Variants in CDC42BPB observed in about 807,000 individuals in gnomAD.
The protein encoded by CDC42BPB is CDC42 binding protein kinase beta, also known as serine/threonine-protein kinase MRCK beta.
CDC42BPB carries 37 observed loss-of-function variants against 214.9 expected under a neutral mutation model. That is an observed-to-expected ratio of 0.17 (90% confidence interval 0.13 to 0.23). The LOEUF (loss-of-function observed/expected upper bound fraction) is 0.23, where lower values mean the gene tolerates loss of function less well. CDC42BPB is among the 10% of genes least tolerant of loss of function. CDC42BPB has a pLI of 1.00. For synonymous variants in CDC42BPB, 931 were observed against 884.0 expected, an observed-to-expected ratio of 1.05 and a Z score of -0.94; for missense variants, 1,694 against 2,227.0, an observed-to-expected ratio of 0.76 and a Z score of 4.82.
chr14:103,053,698 C>T (rs536074771), intron 1 of CDC42BPB, among the ~76,000 whole-genome samples: 25 of 147,226 alleles, frequency 1.7e-4, no homozygotes, highest in Non-Finnish European at 3.5e-4. Context: ...GGAGGCAGAG[C>T]TTGCAGTGAG....
intron 5 of CDC42BPB, among the ~76,000 whole-genome samples, chr14:102,995,313 T>C (rs1198629840): frequency 6.6e-6 from 1 of 152,006 alleles, no homozygotes; most frequent in Non-Finnish European, 1.5e-5. Flanking sequence ...CAGCTGGGAG[T>C]ACAGGTGCTC....
In CDC42BPB at chr14:102,968,377, AAC is replaced by A. The variant is rs1893317404; in HGVS notation, c.2241-21_2241-20del. ...GTTATGCCTGCCAAGGTGAGCGAGAAACAGTTTTAAAAGCTCGTAACTTCACT... is the reference window on the plus strand; with the variant it reads ...GTTATGCCTGCCAAGGTGAGCGAGAAAGTTTTAAAAGCTCGTAACTTCACT... On this transcript the variant is annotated intron_variant, in intron 15 of 36. Coordinates refer to ENST00000361246, the MANE Select transcript of CDC42BPB (RefSeq NM_006035.4). The A allele has an allele frequency of 1.2e-6, 2 of 1,613,570 alleles. No homozygotes were observed. The highest frequency in any genetic ancestry group is 1.7e-6 in the Non-Finnish European group (2 of 1,179,860).
chr14:102,964,475 C>T (rs2139443462), intron 19 of CDC42BPB, 27 bp downstream of exon 19: 1 of 1,611,326 alleles, frequency 6.2e-7, no homozygotes, highest in South Asian at 1.1e-5. Flanking sequence ...CTGCTCCTAC[C>T]TGGAGTCAGA....
chr14:102,946,432 T>C, intron 28 of CDC42BPB, 36 bp downstream of exon 28: 5 of 1,609,466 alleles, frequency 3.1e-6, no homozygotes, highest in Non-Finnish European at 4.2e-6. Flanking sequence ...GTGCTGTTGC[T>C]TCAGACACCT....
In CDC42BPB at chr14:102,970,235, A is replaced by G; in HGVS notation, c.1911T>C (p.Val637=). Residue 637 remains valine (V), a synonymous_variant, in exon 14 of 37, where the codon GTT becomes GTC. Coordinates refer to ENST00000361246, the MANE Select transcript of CDC42BPB (RefSeq NM_006035.4). The stretch of plus-strand genomic sequence containing the variant: ...GCTTGCGCTCCTTGGAGGCCTCAGC[A>G]ACAGCATCATCAAGCTGAGCTTCCA... ...KELEAQLDDA[V]AEASKERKLR... 1.2e-6 allele frequency: 2 copies of G among 1,613,630 alleles called. No homozygotes were observed. Among genetic ancestry groups the G allele is most frequent in the Non-Finnish European group, 1.7e-6 (2 of 1,179,846 alleles).
chr14:102,968,037 G>A (rs1893297038), intron 16 of CDC42BPB, among the ~76,000 whole-genome samples: 2 of 151,854 alleles, frequency 1.3e-5, no homozygotes. Context: ...AGAGGTTGCA[G>A]TGAGCCAAGA....
At chr14:103,015,532 C>A (rs1436867999) in intron 1 of CDC42BPB, among the ~76,000 whole-genome samples, 2 of 152,112 alleles carry the variant, frequency 1.3e-5, no homozygotes, top group African/African-American at 4.8e-5. Context: ...TTAGCTACAA[C>A]TAGAAAGGAA....
chr14:102,939,495 G>C (rs1435004330), intron 34 of CDC42BPB, 115 bp downstream of exon 34: 2 of 755,016 alleles, frequency 2.6e-6, no homozygotes, highest in East Asian at 2.5e-5. Context: ...CCAGGTCAGA[G>C]CACAGCGCCA....
chr14:102,972,244 G>C, intron 12 of CDC42BPB, 83 bp from the exon 13 acceptor site: 1 of 1,560,632 alleles, frequency 6.4e-7, no homozygotes, highest in Admixed American at 1.8e-5. Context: ...ATGATATTGA[G>C]GAGTTAAAAG....
At chr14:103,003,904 C>G in intron 4 of CDC42BPB, 24 bp downstream of exon 4, 2 of 1,581,854 alleles carry the variant, frequency 1.3e-6, no homozygotes, top group Non-Finnish European at 1.7e-6. Context: ...ATGCCCTGAC[C>G]GAGTCTCTGG....
chr14:103,037,204 G>C (rs896455297), intron 1 of CDC42BPB, among the ~76,000 whole-genome samples: 1 of 152,216 alleles, frequency 6.6e-6, no homozygotes, highest in Non-Finnish European at 1.5e-5. Flanking sequence ...AAGCAAGAAA[G>C]ACAATTATAA....
At chr14:103,047,215 C>T (rs545943021) in intron 1 of CDC42BPB, among the ~76,000 whole-genome samples, 11 of 142,926 alleles carry the variant, frequency 7.7e-5, no homozygotes, top group South Asian at 2.3e-4. Flanking sequence ...ACCTGGGAGG[C>T]GGAGGTTCCT....
chr14:102,988,886 A>C (rs896048084), intron 5 of CDC42BPB, among the ~76,000 whole-genome samples: 12 of 151,348 alleles, frequency 7.9e-5, no homozygotes, highest in African/African-American at 2.9e-4. Context: ...AAAAAAAAAA[A>C]ACAAACAAAC....
chr14:102,949,853 C>T lies in CDC42BPB; in HGVS notation c.3361G>A (p.Val1121Ile), dbSNP rs779685101. 1.5e-5 allele frequency: 24 copies of T among 1,613,534 alleles called. No homozygotes were observed. Among genetic ancestry groups the T allele is most frequent in the Middle Eastern group, 1.6e-4 (1 of 6,082 alleles). ...TACAGGAAGAGCTTGCAGTCACAGA[C>T]GACTGCATATGCGCGCTGCCATCCC... ...KKGWQRAYAV[V>I]CDCKLFLYDL... Residue 1121 changes from valine (V) to isoleucine (I), a missense_variant, in exon 26 of 37, where the codon GTC (valine) becomes ATC (isoleucine). By Grantham distance (29) the Val-to-Ile change is conservative (BLOSUM62 3). Coordinates refer to ENST00000361246, the MANE Select transcript of CDC42BPB (RefSeq NM_006035.4).
At chr14:103,054,868 C>T (rs1342202060) in intron 1 of CDC42BPB, among the ~76,000 whole-genome samples, 1 of 152,246 alleles carries the variant, frequency 6.6e-6, no homozygotes, top group Non-Finnish European at 1.5e-5. Context: ...AAAATATGAC[C>T]TCCACACATG....
At chr14:103,049,569 T>C (rs1006584745) in intron 1 of CDC42BPB, among the ~76,000 whole-genome samples, 1 of 152,256 alleles carries the variant, frequency 6.6e-6, no homozygotes, top group African/African-American at 2.4e-5. Context: ...AGCAAGCGAC[T>C]GGTAGAGGGA....
At chr14:103,022,389 G>C (rs1264671523) in intron 1 of CDC42BPB, among the ~76,000 whole-genome samples, 1 of 152,082 alleles carries the variant, frequency 6.6e-6, no homozygotes, top group Non-Finnish European at 1.5e-5. Context: ...TTGAGACAGG[G>C]TTTCACTCTG....
At chr14:103,036,184 G>A (rs1337749712) in intron 1 of CDC42BPB, among the ~76,000 whole-genome samples, 2 of 142,302 alleles carry the variant, frequency 1.4e-5, no homozygotes, top group African/African-American at 5.3e-5. Flanking sequence ...TGGGAGTCTC[G>A]CTCTGTCGCC....
Position 103,057,233 on chromosome 14 carries a change from C to T in CDC42BPB, c.-60G>A. On this transcript the variant is annotated 5_prime_UTR_variant, in exon 1 of 37. An upstream open reading frame in the 5' UTR loses its in-frame stop. Coordinates refer to ENST00000361246, the MANE Select transcript of CDC42BPB (RefSeq NM_006035.4). ...CTCACCGCCGGCTCGGCCAGTCCGT[C>T]AGGGCGCGCCCTCGGGGGCTCGGCG... 11 of 1,233,412 alleles carry T rather than the reference C, an allele frequency of 8.9e-6. No individual in the cohort carries two copies. Among genetic ancestry groups the T allele is most frequent in the Non-Finnish European group, 1.0e-5 (10 of 986,530 alleles). 76.4% of individuals were successfully genotyped at this position (1,233,412 alleles called of 1,614,324 possible).
Sources: gnomAD v4.1 joint callset for allele counts (sites outside exome capture counted in the v4.1 genomes callset) on GRCh38, gnomAD v4.1.1 for gene constraint, MANE v1.5 for transcripts, NCBI Gene and HGNC (gene_info 2026-07-23, HGNC 2026-07-21) for gene names.